The following CACNA2D3 variants were observed in gnomAD, a reference collection of about 807,000 sequenced individuals.
CACNA2D3 encodes the protein calcium voltage-gated channel auxiliary subunit alpha2delta 3, also known as voltage-dependent calcium channel subunit alpha-2/delta-3.
A neutral mutation model predicts 160.6 loss-of-function variants in CACNA2D3; 60 were observed. The observed-to-expected ratio is 0.37, with a 90% CI of 0.30 to 0.46. CACNA2D3 has a LOEUF of 0.46. Among genes scored for constraint, CACNA2D3 ranks in the 20% least tolerant of loss-of-function variants. The pLI is 1.00. For synonymous variants in CACNA2D3, 558 were observed against 492.9 expected (o/e 1.13, Z -1.75); for missense variants, 1,205 against 1,365.0 (o/e 0.88, Z 1.85).
At chr3:54,659,144 A>C (rs1202106280) in intron 11 of CACNA2D3, among the ~76,000 whole-genome samples, 1 of 152,272 alleles carries the variant, frequency 6.6e-6, no homozygotes, top group Non-Finnish European at 1.5e-5. Flanking sequence ...TACTGATAGC[A>C]CCTTTCATCT....
At chr3:54,199,088 A>G (rs1701130388) in intron 2 of CACNA2D3, among the ~76,000 whole-genome samples, 1 of 152,058 alleles carries the variant, frequency 6.6e-6, no homozygotes, top group Non-Finnish European at 1.5e-5. Flanking sequence ...TCTCCTCCTA[A>G]GGCTAATGAT....
At chr3:54,540,918 A>G (rs1462677186) in intron 5 of CACNA2D3, among the ~76,000 whole-genome samples, 2 of 152,284 alleles carry the variant, frequency 1.3e-5, no homozygotes, top group East Asian at 3.9e-4. Flanking sequence ...GTAACTAGTT[A>G]AGGATCTTGA....
intron 2 of CACNA2D3, among the ~76,000 whole-genome samples, chr3:54,315,074 A>G (rs1703830773): frequency 6.6e-6 from 1 of 152,220 alleles, no homozygotes; most frequent in African/African-American, 2.4e-5. Context: ...CTGTGTGGAG[A>G]GGCAAACCCT....
rs543301906 is a variant in CACNA2D3 at position 54,371,916 on chromosome 3, C to T, written c.322-14799C>T. Among the ~76,000 whole-genome samples the T allele has an allele frequency of 9.2e-5, 14 of 152,244 alleles. No homozygotes were observed. The East Asian group carries it at 2.7e-3, about 29-fold the overall frequency. ...TGGATATGTTTAATATTTATTTGTT[C>T]TATTTAATATGAATAATTATTTGTC... On this transcript the variant is annotated intron_variant, in intron 3 of 37. Transcript: ENST00000474759.
chr3:54,750,141 A>AT (rs1277665572), intron 11 of CACNA2D3, among the ~76,000 whole-genome samples: 1 of 152,214 alleles, frequency 6.6e-6, no homozygotes, highest in Non-Finnish European at 1.5e-5. Flanking sequence ...GATTCACAGT[A>AT]TTGTTCTGGA....
intron 14 of CACNA2D3, among the ~76,000 whole-genome samples, chr3:54,833,600 A>C (rs1288887727): frequency 6.6e-6 from 1 of 151,944 alleles, no homozygotes; most frequent in Non-Finnish European, 1.5e-5. Flanking sequence ...GAAAAAAAAA[A>C]CAAAACTTGC....
intron 11 of CACNA2D3, among the ~76,000 whole-genome samples, chr3:54,676,064 C>A (rs935806253): frequency 5.9e-5 from 9 of 152,178 alleles, no homozygotes; most frequent in African/African-American, 1.9e-4. Context: ...CACGAGCTGA[C>A]CACCCCTTAC....
intron 4 of CACNA2D3, among the ~76,000 whole-genome samples, chr3:54,439,308 GGT>G (rs71994824): frequency 0.3 from 36,297 of 120,302 alleles, 5,174 homozygotes; most frequent in African/African-American, 0.46. Context: ...CATAAAGGAG[GGT>G]GTGTGTGTGT....
chr3:54,611,975 A>G (rs913648662), intron 9 of CACNA2D3, among the ~76,000 whole-genome samples: 1 of 152,248 alleles, frequency 6.6e-6, no homozygotes, highest in African/African-American at 2.4e-5. Flanking sequence ...CAAGGACTAT[A>G]TTAAAAGGAA....
intron 4 of CACNA2D3, among the ~76,000 whole-genome samples, chr3:54,472,496 C>T (rs371682120): frequency 1.2e-3 from 187 of 151,916 alleles, no homozygotes; most frequent in African/African-American, 4.4e-3. Flanking sequence ...AACCCTCTCT[C>T]ACCACTCCTA....
intron 11 of CACNA2D3, among the ~76,000 whole-genome samples, chr3:54,719,958 C>T (rs1487598534): frequency 6.6e-6 from 1 of 151,698 alleles, no homozygotes; most frequent in Non-Finnish European, 1.5e-5. Context: ...CCCTTATTTC[C>T]TTTTTCACAT....
intron 11 of CACNA2D3, among the ~76,000 whole-genome samples, chr3:54,745,649 T>C (rs1224620301): frequency 6.6e-6 from 1 of 152,192 alleles, no homozygotes; most frequent in African/African-American, 2.4e-5. Context: ...TACTGCTCCA[T>C]TGAGCTGTAT....
At chr3:54,900,851 A>G (rs1559622845) in intron 27 of CACNA2D3, among the ~76,000 whole-genome samples, 1 of 152,252 alleles carries the variant, frequency 6.6e-6, no homozygotes, top group Admixed American at 6.5e-5. Flanking sequence ...TTTTCCCCCC[A>G]CTTTATTTCT....
At chr3:54,470,914 C>T (rs1030208049) in intron 4 of CACNA2D3, among the ~76,000 whole-genome samples, 10 of 152,220 alleles carry the variant, frequency 6.6e-5, no homozygotes, top group Admixed American at 3.3e-4. Context: ...ATTCATAAAG[C>T]GAGTTCTTAG....
intron 13 of CACNA2D3, among the ~76,000 whole-genome samples, chr3:54,786,235 A>G (rs945526674): frequency 1.3e-5 from 2 of 152,228 alleles, no homozygotes; most frequent in Non-Finnish European, 2.9e-5. Context: ...AACGGTCACT[A>G]AAATAAAGTC....
intron 35 of CACNA2D3, among the ~76,000 whole-genome samples, chr3:55,025,025 G>A (rs1323566459): frequency 3.9e-5 from 6 of 152,270 alleles, no homozygotes; most frequent in Admixed American, 6.5e-5. Flanking sequence ...AACTCTATGA[G>A]GCGGCCAGTA....
At chr3:54,443,896 T>G (rs1310963781) in intron 4 of CACNA2D3, among the ~76,000 whole-genome samples, 1 of 152,216 alleles carries the variant, frequency 6.6e-6, no homozygotes, top group Non-Finnish European at 1.5e-5. Context: ...TGTTTTGTTT[T>G]GTTGGGAAGG....
chr3:54,179,120 G>A (rs923764083), intron 2 of CACNA2D3, among the ~76,000 whole-genome samples: 2 of 152,222 alleles, frequency 1.3e-5, no homozygotes, highest in African/African-American at 2.4e-5. Flanking sequence ...TCCTGAGAAG[G>A]TCCTGTGACC....
chr3:54,940,883 T>C (rs1439667126), intron 27 of CACNA2D3, among the ~76,000 whole-genome samples: 1 of 152,190 alleles, frequency 6.6e-6, no homozygotes, highest in East Asian at 1.9e-4. Flanking sequence ...GCCAAAGGTA[T>C]CTGTATGTTT....
Sources: gnomAD v4.1 joint callset for allele counts (sites outside exome capture counted in the v4.1 genomes callset) on GRCh38, gnomAD v4.1.1 for gene constraint, MANE v1.5 for transcripts, NCBI Gene and HGNC (gene_info 2026-07-23, HGNC 2026-07-21) for gene names.